Variants in PRKCQ observed in about 807,000 individuals in gnomAD.
PRKCQ encodes the protein protein kinase C theta.
In PRKCQ, 41 loss-of-function variants were observed where a neutral mutation model predicts 91.2. The ratio of observed to expected loss-of-function variants is 0.45; its 90% CI spans 0.35 to 0.58. PRKCQ has a LOEUF of 0.58. Ranked by LOEUF, PRKCQ falls within the 20% of genes least tolerant of loss-of-function variation. The pLI is 0.00. For missense variants in PRKCQ, 673 were observed against 896.5 expected (o/e 0.75, Z 3.18); for synonymous variants, 307 against 316.9 (o/e 0.97, Z 0.33).
rs533928012 is a variant in PRKCQ, at chr10:6,434,652, A to G, written c.1837-3714T>C. ...GCTGTCAGGACGGAGGTTTACATTGATGGGAAAAAATAGCCAGGATGTAGT... is the reference window on the plus strand; with the variant it reads ...GCTGTCAGGACGGAGGTTTACATTGGTGGGAAAAAATAGCCAGGATGTAGT... On this transcript the variant is annotated intron_variant, in intron 16 of 17. Coordinates refer to ENST00000263125, the MANE Select transcript of PRKCQ (RefSeq NM_006257.5). Among the ~76,000 whole-genome samples, 4 of 152,264 alleles carry G rather than the reference A, an allele frequency of 2.6e-5. No individual in the cohort carries two copies. The East Asian group carries it at 7.7e-4, about 29-fold the overall frequency.
intron 1 of PRKCQ, among the ~76,000 whole-genome samples, chr10:6,561,523 G>A (rs948142903): frequency 5.3e-5 from 8 of 152,052 alleles, no homozygotes; most frequent in East Asian, 1.9e-4. Context: ...GAAATTTGAC[G>A]TGAACCTACA....
intron 4 of PRKCQ, among the ~76,000 whole-genome samples, chr10:6,505,572 C>CCCTT (rs1314857263): frequency 9.8e-5 from 14 of 142,752 alleles, no homozygotes; most frequent in Admixed American, 5.1e-4. Context: ...CCTTCCCTTC[C>CCCTT]CCTTCCTTCC....
At chr10:6,505,932 C>T (rs1838183903) in intron 4 of PRKCQ, among the ~76,000 whole-genome samples, 1 of 152,178 alleles carries the variant, frequency 6.6e-6, no homozygotes, top group South Asian at 2.1e-4. Context: ...AGGCATGAGC[C>T]ACCATGCCCA....
the PRKCQ span, among the ~76,000 whole-genome samples, chr10:6,407,433 A>G: frequency 2.0e-5 from 3 of 150,340 alleles, no homozygotes; most frequent in Admixed American, 7.0e-5. The surrounding 1 kb of genome is among the most constrained non-coding windows in gnomAD (Gnocchi z 4.0). Flanking sequence ...GGAAAGCTAC[A>G]TGTGTGCGCA....
rs1837695490 is a variant in PRKCQ, at chr10:6,497,731, A to G, written c.543-480T>C. Among the ~76,000 whole-genome samples the G allele has an allele frequency of 6.6e-6, 1 of 152,366 alleles. No individual in the cohort carries two copies. The highest frequency in any genetic ancestry group is 3.4e-3 in the Middle Eastern group (1 of 294). On this transcript the variant is annotated intron_variant, in intron 5 of 17. Transcript: ENST00000263125. The surrounding 1 kb of genome is among the most constrained non-coding windows in gnomAD (Gnocchi z 4.5). ...CATGATTAGAGAGAAAGGAGGTTCAAGTGATTAGACGAAAGCAGGCTGATG... is the reference window on the plus strand; with the variant it reads ...CATGATTAGAGAGAAAGGAGGTTCAGGTGATTAGACGAAAGCAGGCTGATG...
intron 15 of PRKCQ, among the ~76,000 whole-genome samples, chr10:6,449,232 G>T (rs987599598): frequency 2.0e-5 from 3 of 147,120 alleles, no homozygotes; most frequent in Admixed American, 1.4e-4. Flanking sequence ...AGAGAGAAGT[G>T]CTTAAAGGAG....
the PRKCQ span, among the ~76,000 whole-genome samples, chr10:6,418,479 C>G: frequency 6.8e-6 from 1 of 147,684 alleles, no homozygotes; most frequent in Non-Finnish European, 1.5e-5. Flanking sequence ...CTTTCTCCCC[C>G]TCTCATGTGT....
chr10:6,513,127 T>C (rs1436758239), intron 2 of PRKCQ, among the ~76,000 whole-genome samples: 1 of 152,224 alleles, frequency 6.6e-6, no homozygotes, highest in African/African-American at 2.4e-5. Flanking sequence ...CCTATCTATG[T>C]AGAGTGTTAC....
chr10:6,410,902 G>A, the PRKCQ span, among the ~76,000 whole-genome samples: 5 of 149,204 alleles, frequency 3.4e-5, no homozygotes, highest in South Asian at 2.1e-4. Context: ...GCTTGAACCC[G>A]GGAGGTGAAG....
chr10:6,492,290 A>G (rs972642734), intron 7 of PRKCQ, among the ~76,000 whole-genome samples: 6 of 152,060 alleles, frequency 3.9e-5, no homozygotes, highest in Non-Finnish European at 8.8e-5. Context: ...CTATGGGTTT[A>G]TCAGTATTAC....
At chr10:6,424,594 C>G (rs1010114712), downstream of PRKCQ, among the ~76,000 whole-genome samples, 3 of 152,208 alleles carry the variant, frequency 2.0e-5, no homozygotes, top group Non-Finnish European at 4.4e-5. Flanking sequence ...AAGGCTGATG[C>G]TTCCTCTGTT....
At chr10:6,574,890 G>A (rs551965636) in intron 1 of PRKCQ, among the ~76,000 whole-genome samples, 11 of 152,262 alleles carry the variant, frequency 7.2e-5, no homozygotes, top group Non-Finnish European at 1.6e-4. Context: ...TCAGGTCTCA[G>A]TTGAGCCGTC....
rs144581614 is a variant in PRKCQ, at chr10:6,571,974, T to C, written c.-10+8237A>G. Among the ~76,000 whole-genome samples, 35 of 152,284 alleles carry C rather than the reference T, an allele frequency of 2.3e-4. No homozygotes were observed. In the East Asian group the frequency reaches 6.8e-3, roughly 29 times the overall value. On this transcript the variant is annotated intron_variant, in intron 1 of 17. Transcript: ENST00000263125. ...AAGCCAAGAGATCAGGGGTCAGCGC[T>C]AGTAATTTAATCTGTGACCCTAGAT...
intron 11 of PRKCQ, 144 bp downstream of exon 11, chr10:6,483,296 A>G (rs773542720): frequency 5.6e-6 from 6 of 1,080,900 alleles, no homozygotes; most frequent in Non-Finnish European, 8.1e-6. Context: ...CGGGGTCCCT[A>G]TTTATTCAGC....
intron 8 of PRKCQ, among the ~76,000 whole-genome samples, chr10:6,487,322 TC>T (rs1836982714): frequency 1.3e-5 from 2 of 152,212 alleles, no homozygotes; most frequent in Non-Finnish European, 1.5e-5. Flanking sequence ...TTTTCTGTCA[TC>T]TTTATAAGTC....
At chr10:6,412,442 A>C in the PRKCQ span, among the ~76,000 whole-genome samples, 1 of 152,254 alleles carries the variant, frequency 6.6e-6, no homozygotes, top group East Asian at 1.9e-4. Context: ...CACATGTGTA[A>C]GAATATAGAA....
At chr10:6,467,720 C>T (rs1171347935) in intron 12 of PRKCQ, among the ~76,000 whole-genome samples, 1 of 152,122 alleles carries the variant, frequency 6.6e-6, no homozygotes, top group Non-Finnish European at 1.5e-5. Context: ...TCAGGTAAAT[C>T]CCACCATCAC....
At chr10:6,564,171 G>C (rs1588429430) in intron 1 of PRKCQ, among the ~76,000 whole-genome samples, 1 of 152,178 alleles carries the variant, frequency 6.6e-6, no homozygotes, top group African/African-American at 2.4e-5. Flanking sequence ...TTTTGCAGGT[G>C]ATATGGAGTA....
intron 1 of PRKCQ, chr10:6,515,618 G>GA (rs1838719826): frequency 1.4e-6 from 1 of 707,238 alleles, no homozygotes; most frequent in Non-Finnish European, 1.7e-6. Flanking sequence ...TGTGTAATGG[G>GA]ATTGGCCCAA....
Sources: gnomAD v4.1 joint callset for allele counts (sites outside exome capture counted in the v4.1 genomes callset) on GRCh38, gnomAD v4.1.1 for gene constraint, Gnocchi (gnomAD v3.1) non-coding constraint, MANE v1.5 for transcripts, NCBI Gene and HGNC (gene_info 2026-07-23, HGNC 2026-07-21) for gene names.